FOXO3: variants seen among roughly 807,000 people sequenced by gnomAD.
FOXO3 encodes the protein forkhead box protein O3.
In FOXO3, 4 loss-of-function variants were observed where a neutral mutation model predicts 41.9. The ratio of observed to expected loss-of-function variants is 0.10; its 90% CI spans 0.05 to 0.22. The LOEUF is 0.22. FOXO3 is among the 10% of genes least tolerant of loss of function. FOXO3 has a pLI of 1.00. For synonymous variants in FOXO3, 318 were observed against 389.3 expected (o/e 0.82, Z 2.16); for missense variants, 534 against 906.8 (o/e 0.59, Z 5.28).
At chr6:108,621,802 G>T (rs977814091) in intron 1 of FOXO3, among the ~76,000 whole-genome samples, 1 of 152,142 alleles carries the variant, frequency 6.6e-6, no homozygotes, top group African/African-American at 2.4e-5. Context: ...ACTTTGCCAG[G>T]TAGGTAGTGC....
chr6:108,640,013 A>G lies in FOXO3; in HGVS notation c.622-23442A>G, dbSNP rs181155723. On this transcript the variant is annotated intron_variant, in intron 1 of 2. Transcript: ENST00000406360. ...AGAGACTAGTTCAAAACAGTAAAAC[A>G]TCGCATAAAAGACAGCTCTGTTTTT... Among the ~76,000 whole-genome samples the G allele has an allele frequency of 1.8e-3, 277 of 152,342 alleles. 3 individuals are homozygous for G. The highest frequency in any genetic ancestry group is 6.3e-3 in the African/African-American group (262 of 41,584).
intron 1 of FOXO3, among the ~76,000 whole-genome samples, chr6:108,598,585 G>A (rs186714991): frequency 6.6e-5 from 10 of 152,282 alleles, no homozygotes; most frequent in Admixed American, 6.5e-4. Context: ...CGCACAACAT[G>A]AGTCAGAAAC....
intron 1 of FOXO3, among the ~76,000 whole-genome samples, chr6:108,587,767 AC>A (rs375177552): frequency 4.6e-5 from 7 of 152,130 alleles, no homozygotes; most frequent in Admixed American, 2.0e-4. Context: ...TACTTACTTG[AC>A]TTCCCTGATG....
At chr6:108,673,125 C>CT (rs1779264343) in intron 2 of FOXO3, among the ~76,000 whole-genome samples, 1 of 152,210 alleles carries the variant, frequency 6.6e-6, no homozygotes, top group South Asian at 2.1e-4. Flanking sequence ...ACTGATAGAC[C>CT]TGTTGGAAGG....
intron 1 of FOXO3, among the ~76,000 whole-genome samples, chr6:108,583,882 T>C (rs891308889): frequency 5.3e-5 from 8 of 152,270 alleles, no homozygotes; most frequent in African/African-American, 1.9e-4. Context: ...CAGCACATTT[T>C]CTGAGTATAA....
chr6:108,616,156 GTTTTTT>G (rs35632295), intron 1 of FOXO3, among the ~76,000 whole-genome samples: 2 of 55,124 alleles, frequency 3.6e-5, no homozygotes, highest in African/African-American at 6.2e-5. Flanking sequence ...CCCAACTAAG[GTTTTTT>G]TTTTTTTTTT....
chr6:108,646,363 G>A (rs1778393284), intron 1 of FOXO3, among the ~76,000 whole-genome samples: 1 of 152,178 alleles, frequency 6.6e-6, no homozygotes, highest in Non-Finnish European at 1.5e-5. Context: ...GAAGAATGGA[G>A]TAGTCTGTTC....
chr6:108,608,718 A>T (rs1777275814), intron 1 of FOXO3, among the ~76,000 whole-genome samples: 2 of 152,188 alleles, frequency 1.3e-5, no homozygotes, highest in Non-Finnish European at 2.9e-5. Context: ...AACAATTTAA[A>T]GGCTCTTCTT....
chr6:108,599,468 A>G (rs1357114161), intron 1 of FOXO3, among the ~76,000 whole-genome samples: 1 of 152,184 alleles, frequency 6.6e-6, no homozygotes. Context: ...TGGGATTTTC[A>G]TAATGCTTCT....
At chr6:108,575,882 A>G (rs911485740) in intron 1 of FOXO3, among the ~76,000 whole-genome samples, 5 of 152,226 alleles carry the variant, frequency 3.3e-5, no homozygotes, top group Admixed American at 6.5e-5. Context: ...GAACTCAAAC[A>G]TTCTTTCAAA....
chr6:108,569,486 C>G (rs1324630644), intron 1 of FOXO3, among the ~76,000 whole-genome samples: 1 of 152,226 alleles, frequency 6.6e-6, no homozygotes, highest in Admixed American at 6.5e-5. Context: ...TCAAGCCAGG[C>G]TTTTCTATAA....
intron 1 of FOXO3, among the ~76,000 whole-genome samples, chr6:108,615,032 A>G (rs1025617491): frequency 1.3e-5 from 2 of 152,158 alleles, no homozygotes; most frequent in African/African-American, 2.4e-5. Flanking sequence ...CCTTGAAACA[A>G]TATACAGCCA....
At position 108,679,020 on chromosome 6, in the gene FOXO3, C is replaced by G. The variant is rs529113940; in HGVS notation, c.*35-807C>G. ...CCGAGTAGCTGGGACTACAGGTGCC[C>G]GCCACCGCGCCCGGCTAATTTTTTG... On this transcript the variant is annotated intron_variant, in intron 2 of 2. Coordinates refer to ENST00000406360, the MANE Select transcript of FOXO3 (RefSeq NM_001455.4). Among the ~76,000 whole-genome samples, 44 of 151,780 alleles carry G rather than the reference C, an allele frequency of 2.9e-4. No homozygotes were observed. The South Asian group carries it at 9.2e-3, about 32-fold the overall frequency.
chr6:108,641,999 C>T (rs1297398045), intron 1 of FOXO3, among the ~76,000 whole-genome samples: 1 of 151,668 alleles, frequency 6.6e-6, no homozygotes, highest in Non-Finnish European at 1.5e-5. Flanking sequence ...ATGCATGAGA[C>T]TTGAAGCACA....
chr6:108,632,202 C>T (rs1162124824), intron 1 of FOXO3, among the ~76,000 whole-genome samples: 10 of 152,202 alleles, frequency 6.6e-5, no homozygotes, highest in Non-Finnish European at 1.3e-4. Flanking sequence ...CGGTGCTAGG[C>T]GCTATGGGGT....
At chr6:108,633,615 G>A (rs1435041101) in intron 1 of FOXO3, among the ~76,000 whole-genome samples, 1 of 152,056 alleles carries the variant, frequency 6.6e-6, no homozygotes, top group Non-Finnish European at 1.5e-5. Flanking sequence ...TTATAATTCT[G>A]CCCCCTTTTG....
chr6:108,639,112 T>A (rs1395502034), intron 1 of FOXO3, among the ~76,000 whole-genome samples: 2 of 152,118 alleles, frequency 1.3e-5, no homozygotes, highest in Admixed American at 1.3e-4. Flanking sequence ...TCAGGATCTA[T>A]CCCTTTTCAC....
At chr6:108,607,790 A>G (rs980809501) in intron 1 of FOXO3, among the ~76,000 whole-genome samples, 2 of 152,168 alleles carry the variant, frequency 1.3e-5, no homozygotes, top group Non-Finnish European at 2.9e-5. Context: ...CATTCACTCA[A>G]TAAATATTTA....
At chr6:108,677,501 C>G (rs1374307110) in intron 2 of FOXO3, among the ~76,000 whole-genome samples, 1 of 152,160 alleles carries the variant, frequency 6.6e-6, no homozygotes, top group Non-Finnish European at 1.5e-5. Context: ...TGAAGTGTGT[C>G]ACCTTCCCAT....
Sources: allele counts gnomAD v4.1 joint callset (sites outside exome capture counted in the v4.1 genomes callset), GRCh38; gene constraint gnomAD v4.1.1; transcripts MANE v1.5; gene names NCBI Gene and HGNC (gene_info 2026-07-23, HGNC 2026-07-21).